Variants in ST6GAL1 observed in about 807,000 individuals in gnomAD.
ST6GAL1 encodes beta-galactoside alpha-2,6-sialyltransferase 1.
A neutral mutation model predicts 38.0 loss-of-function variants in ST6GAL1; 20 were observed. The observed-to-expected ratio is 0.53, with a 90% CI of 0.37 to 0.77. The LOEUF is 0.77. Ranked by LOEUF, ST6GAL1 falls within the 30% of genes least tolerant of loss-of-function variation. The pLI, the probability that ST6GAL1 is intolerant of heterozygous loss-of-function variation, is 0.00. For synonymous variants in ST6GAL1, 196 were observed against 188.2 expected (o/e 1.04, Z -0.34); for missense variants, 432 against 496.4 (o/e 0.87, Z 1.23).
intron 2 of ST6GAL1, among the ~76,000 whole-genome samples, chr3:187,032,727 C>G (rs968897473): frequency 4.6e-5 from 7 of 152,188 alleles, no homozygotes; most frequent in Admixed American, 1.3e-4. Context: ...AATTTTCTGA[C>G]TCTTCCAAGG....
chr3:186,966,102 G>A (rs971495622), intron 2 of ST6GAL1, among the ~76,000 whole-genome samples: 13 of 152,142 alleles, frequency 8.5e-5, no homozygotes, highest in African/African-American at 3.1e-4. Flanking sequence ...GTTTTACCAT[G>A]TTGGTCAGGC....
intron 2 of ST6GAL1, among the ~76,000 whole-genome samples, chr3:187,032,989 T>C (rs1398870634): frequency 6.6e-6 from 1 of 152,252 alleles, no homozygotes; most frequent in Non-Finnish European, 1.5e-5. Flanking sequence ...CTGTTAATGC[T>C]AGATCTCCTA....
At chr3:186,960,355 A>G (rs552885854) in intron 1 of ST6GAL1, among the ~76,000 whole-genome samples, 1 of 152,292 alleles carries the variant, frequency 6.6e-6, no homozygotes. Context: ...GGCTGCCCCA[A>G]GAGATAAAAC....
chr3:186,958,613 C>T (rs553511546), intron 1 of ST6GAL1, among the ~76,000 whole-genome samples: 3 of 152,090 alleles, frequency 2.0e-5, no homozygotes, highest in African/African-American at 7.2e-5. Flanking sequence ...CTTGCAGTAC[C>T]ACTGGACCTT....
At chr3:187,005,511 G>A (rs1335523567) in intron 2 of ST6GAL1, among the ~76,000 whole-genome samples, 2 of 151,864 alleles carry the variant, frequency 1.3e-5, no homozygotes, top group African/African-American at 4.8e-5. Context: ...TCCTGACCTC[G>A]TGATCTGCCC....
intron 5 of ST6GAL1, among the ~76,000 whole-genome samples, chr3:187,069,581 T>G (rs1025289499): frequency 1.3e-5 from 2 of 152,254 alleles, no homozygotes; most frequent in Non-Finnish European, 2.9e-5. Flanking sequence ...ACTCCATTAT[T>G]TCTTAGGTGA....
At chr3:186,997,211 T>C (rs1379006371) in intron 2 of ST6GAL1, among the ~76,000 whole-genome samples, 1 of 152,176 alleles carries the variant, frequency 6.6e-6, no homozygotes, top group Non-Finnish European at 1.5e-5. Flanking sequence ...CTGACCTCTA[T>C]AGTCCTTTGC....
chr3:187,015,150 C>T (rs1467003462), intron 2 of ST6GAL1, among the ~76,000 whole-genome samples: 2 of 152,342 alleles, frequency 1.3e-5, no homozygotes, highest in South Asian at 4.1e-4. Context: ...GAGGGTACAG[C>T]ATCCCCTGCA....
intron 2 of ST6GAL1, among the ~76,000 whole-genome samples, chr3:186,991,574 G>T (rs142004558): frequency 2.0e-5 from 3 of 152,250 alleles, no homozygotes; most frequent in African/African-American, 7.2e-5. Context: ...TCCCTGGATG[G>T]ACTGATACAG....
chr3:186,959,386 G>T (rs1361605965), intron 1 of ST6GAL1, among the ~76,000 whole-genome samples: 1 of 152,152 alleles, frequency 6.6e-6, no homozygotes, highest in Admixed American at 6.5e-5. Flanking sequence ...CCTGCTTTGT[G>T]CCCGTGCTGT....
chr3:187,072,859 C>T lies in ST6GAL1; in HGVS notation c.716C>T (p.Thr239Ile), dbSNP rs1719434595. ...TCTTTCTTCCTGCAGTTGGTTACCA[C>T]AGAGAAGCGCTTCCTCAAAGACAGT... is the stretch of plus-strand genomic sequence containing the variant. ...IRLMNSQLVT[T>I]EKRFLKDSLY... The change falls in exon 6 of 8, where the codon ACA (threonine) becomes ATA (isoleucine). Residue 239 changes from threonine to isoleucine, a missense_variant. Physicochemically the swap from Thr to Ile is moderately conservative, Grantham distance 89. Coordinates refer to ENST00000169298, the MANE Select transcript of ST6GAL1 (RefSeq NM_173216.2). 1.2e-6 allele frequency: 2 copies of T among 1,613,788 alleles called. No individual in the cohort carries two copies. The highest frequency in any genetic ancestry group is 2.2e-5 in the South Asian group (2 of 91,068).
In ST6GAL1 at chr3:187,077,103, C is replaced by T. The variant is rs558241539; in HGVS notation, c.*1300C>T. ...GGCTCTCTGGACTTAACGTCACTCT[C>T]AGAGGTCAGAACCTTGGAGATCAGA... On this transcript the variant is annotated 3_prime_UTR_variant, in exon 8 of 8. Transcript: ENST00000169298. 1.3e-5 allele frequency: 5 copies of T among 398,064 alleles called. No homozygotes were observed. The highest frequency in any genetic ancestry group is 2.1e-5 in the African/African-American group (1 of 48,722). The allele number at this position is 398,064 out of a possible 1,614,324, so 24.7% of individuals were successfully genotyped here.
At chr3:187,051,219 A>C in intron 4 of ST6GAL1, 30 bp from the exon 5 acceptor site, 2 of 1,592,934 alleles carry the variant, frequency 1.3e-6, no homozygotes, top group Non-Finnish European at 1.7e-6. Flanking sequence ...AGTGCTCATC[A>C]CCTCTTTTCT....
chr3:186,940,845 A>G (rs1714143817), intron 1 of ST6GAL1, among the ~76,000 whole-genome samples: 1 of 149,770 alleles, frequency 6.7e-6, no homozygotes, highest in African/African-American at 2.5e-5. Context: ...TTACCTTACC[A>G]ATCTTCTGTT....
At chr3:187,026,658 CTG>C (rs1447900807) in intron 2 of ST6GAL1, among the ~76,000 whole-genome samples, 5 of 152,226 alleles carry the variant, frequency 3.3e-5, no homozygotes, top group Non-Finnish European at 7.3e-5. Context: ...CCTGAGTGAA[CTG>C]TTTCTCCAAA....
At chr3:186,957,126 G>A (rs1434124874) in intron 1 of ST6GAL1, among the ~76,000 whole-genome samples, 1 of 152,158 alleles carries the variant, frequency 6.6e-6, no homozygotes, top group East Asian at 1.9e-4. Context: ...AAAACTTACA[G>A]AACCTTGCAG....
chr3:187,043,210 GCC>G lies in ST6GAL1; in HGVS notation c.509_510del (p.Pro170GlnfsTer5). 1 of 1,614,102 alleles carries G rather than the reference GCC, an allele frequency of 6.2e-7. No homozygotes were observed. The highest frequency in any genetic ancestry group is 1.3e-5 in the African/African-American group (1 of 74,942). On this transcript the variant is annotated frameshift_variant, in exon 4 of 8. Coordinates refer to ENST00000169298, the MANE Select transcript of ST6GAL1 (RefSeq NM_173216.2). LOFTEE classifies it high-confidence loss of function. The stretch of plus-strand genomic sequence containing the variant: ...ATACCTCTGAATGGGAGGGTTATCT[GCC>G]CAAGGAGAGCATTAGGACCAAGGCT... ...FNTSEWEGYL[P>X]KESIRTKAGP...
intron 1 of ST6GAL1, among the ~76,000 whole-genome samples, chr3:186,945,406 A>C (rs1296066038): frequency 6.6e-6 from 1 of 152,206 alleles, no homozygotes; most frequent in East Asian, 1.9e-4. Flanking sequence ...TATGTCAGGC[A>C]GACATCCTCA....
intron 1 of ST6GAL1, among the ~76,000 whole-genome samples, chr3:186,938,437 C>A (rs552208725): frequency 6.6e-6 from 1 of 152,116 alleles, no homozygotes; most frequent in East Asian, 1.9e-4. Context: ...TAGATGAAAT[C>A]GTGGGTGAAA....
Sources: allele counts gnomAD v4.1 joint callset (sites outside exome capture counted in the v4.1 genomes callset), GRCh38; gene constraint gnomAD v4.1.1; transcripts MANE v1.5; gene names NCBI Gene and HGNC (gene_info 2026-07-23, HGNC 2026-07-21).